NPAS3: variants seen among roughly 807,000 people sequenced by gnomAD.
The protein encoded by NPAS3 is neuronal PAS domain protein 3.
Under a neutral mutation model 73.1 loss-of-function variants are expected in NPAS3, and 14 were observed. The ratio of observed to expected loss-of-function variants is 0.19; its 90% CI spans 0.13 to 0.30. The LOEUF (loss-of-function observed/expected upper bound fraction) is 0.30, where lower values mean the gene tolerates loss of function less well. Ranked by LOEUF, NPAS3 falls within the 10% of genes least tolerant of loss-of-function variation. The pLI is 1.00. For missense variants in NPAS3, 1,096 were observed against 1,250.0 expected (o/e 0.88, Z 1.86); for synonymous variants, 620 against 541.5 (o/e 1.14, Z -2.01).
At chr14:33,255,457 C>T (rs538282567) in intron 3 of NPAS3, among the ~76,000 whole-genome samples, 2 of 152,180 alleles carry the variant, frequency 1.3e-5, no homozygotes, top group East Asian at 1.9e-4. Context: ...CAGACCAACC[C>T]GGACTAGAGT....
At chr14:33,136,673 A>G (rs547243337) in intron 2 of NPAS3, among the ~76,000 whole-genome samples, 2 of 152,300 alleles carry the variant, frequency 1.3e-5, no homozygotes, top group African/African-American at 2.4e-5. Flanking sequence ...CTTGCAGCTT[A>G]CTTTCTCCAA....
chr14:33,395,206 C>T (rs1160905418), intron 4 of NPAS3, among the ~76,000 whole-genome samples: 1 of 152,048 alleles, frequency 6.6e-6, no homozygotes, highest in Non-Finnish European at 1.5e-5. Context: ...GAGTTATTAT[C>T]ATTGTTTTGC....
At chr14:33,703,109 G>A (rs562270843) in intron 6 of NPAS3, among the ~76,000 whole-genome samples, 19 of 152,114 alleles carry the variant, frequency 1.2e-4, no homozygotes, top group Non-Finnish European at 2.1e-4. Flanking sequence ...GAGGATTGGG[G>A]CAGAAGAATT....
chr14:33,729,683 G>A (rs1354356651), intron 6 of NPAS3, among the ~76,000 whole-genome samples: 1 of 152,154 alleles, frequency 6.6e-6, no homozygotes, highest in Admixed American at 6.5e-5. Context: ...GTGGCAACTG[G>A]TTTCCATCAG....
At chr14:33,280,723 A>G (rs2041565347) in intron 3 of NPAS3, among the ~76,000 whole-genome samples, 1 of 152,220 alleles carries the variant, frequency 6.6e-6, no homozygotes, top group Non-Finnish European at 1.5e-5. Flanking sequence ...CTTTTGAGAA[A>G]GTACAAAAAG....
chr14:33,215,094 G>T, intron 2 of NPAS3, 88 bp from the exon 3 acceptor site: 1 of 1,377,506 alleles, frequency 7.3e-7, no homozygotes. Flanking sequence ...AATTTTGGTG[G>T]GAAAAAAGGA....
intron 5 of NPAS3, among the ~76,000 whole-genome samples, chr14:33,644,759 T>TTTTC (rs2140201229): frequency 6.6e-6 from 1 of 152,086 alleles, no homozygotes; most frequent in Admixed American, 6.5e-5. Flanking sequence ...TAGTTCCATG[T>TTTTC]TTTCTTTAAA....
At chr14:33,278,557 A>G (rs1351313237) in intron 3 of NPAS3, among the ~76,000 whole-genome samples, 2 of 152,122 alleles carry the variant, frequency 1.3e-5, no homozygotes, top group Non-Finnish European at 2.9e-5. Flanking sequence ...GAATGATATG[A>G]AAGATACAAC....
At chr14:33,725,253 T>TG (rs1424891317) in intron 6 of NPAS3, among the ~76,000 whole-genome samples, 10 of 151,940 alleles carry the variant, frequency 6.6e-5, no homozygotes, top group Non-Finnish European at 1.0e-4. Context: ...CCCTAGAACT[T>TG]GAAGTATAAT....
At chr14:33,745,104 C>T (rs2061755414) in intron 7 of NPAS3, among the ~76,000 whole-genome samples, 1 of 151,974 alleles carries the variant, frequency 6.6e-6, no homozygotes, top group Non-Finnish European at 1.5e-5. Flanking sequence ...AAATACTTAG[C>T]CAGGCATGGT....
chr14:33,673,197 C>T (rs2059660847), intron 5 of NPAS3, among the ~76,000 whole-genome samples: 1 of 152,236 alleles, frequency 6.6e-6, no homozygotes, highest in Non-Finnish European at 1.5e-5. Flanking sequence ...CACAGGGGAA[C>T]TCAGAGGTCT....
chr14:33,051,382 T>C (rs2138497558), intron 1 of NPAS3, among the ~76,000 whole-genome samples: 1 of 152,240 alleles, frequency 6.6e-6, no homozygotes, highest in Middle Eastern at 3.4e-3. Context: ...TTATAGAGCT[T>C]GTACTCTTAC....
At chr14:33,359,913 A>G (rs2045515826) in intron 3 of NPAS3, among the ~76,000 whole-genome samples, 1 of 152,216 alleles carries the variant, frequency 6.6e-6, no homozygotes, top group South Asian at 2.1e-4. Flanking sequence ...GAAAGTGTTC[A>G]CTGAAAGAAG....
At chr14:33,160,883 G>T (rs1487916258) in intron 2 of NPAS3, among the ~76,000 whole-genome samples, 1 of 152,134 alleles carries the variant, frequency 6.6e-6, no homozygotes, top group Non-Finnish European at 1.5e-5. Context: ...GAAAAACTCT[G>T]AGTTTCTCCA....
At chr14:33,264,515 T>C (rs2049099797) in intron 3 of NPAS3, among the ~76,000 whole-genome samples, 1 of 152,182 alleles carries the variant, frequency 6.6e-6, no homozygotes, top group Non-Finnish European at 1.5e-5. Context: ...TAATATTATG[T>C]ACTGTGATGT....
intron 5 of NPAS3, among the ~76,000 whole-genome samples, chr14:33,670,742 A>C (rs1324257614): frequency 1.3e-5 from 2 of 151,896 alleles, no homozygotes; most frequent in African/African-American, 2.4e-5. Flanking sequence ...TGAAGGCCTC[A>C]CCTGGGAATT....
At chr14:32,977,034 A>G (rs932379516) in intron 1 of NPAS3, among the ~76,000 whole-genome samples, 3 of 140,416 alleles carry the variant, frequency 2.1e-5, no homozygotes, top group African/African-American at 8.0e-5. Flanking sequence ...ATAAAGTATT[A>G]TCTGGTCAAG....
At chr14:33,619,078 A>G (rs967917022) in intron 5 of NPAS3, among the ~76,000 whole-genome samples, 1 of 152,202 alleles carries the variant, frequency 6.6e-6, no homozygotes, top group African/African-American at 2.4e-5. Flanking sequence ...ATATCTTTAT[A>G]TACTTTAACG....
rs1595062925 is a variant in NPAS3, at chr14:32,945,612, G to A, written c.50+6246G>A. 2.0e-5 allele frequency among the ~76,000 whole-genome samples: 3 copies of A among 152,270 alleles called. No individual in the cohort carries two copies. The Middle Eastern group carries it at 0.01, about 518-fold the overall frequency. ...AATGTACCTTAACACCAGTGTGGAA[G>A]GGCCTGCGTTTTCAGACTTTCCAAA... On this transcript the variant is annotated intron_variant, in intron 1 of 11. Coordinates refer to ENST00000356141, the Ensembl canonical transcript of NPAS3.
Sources: allele counts gnomAD v4.1 joint callset (sites outside exome capture counted in the v4.1 genomes callset), GRCh38; gene constraint gnomAD v4.1.1; transcripts MANE v1.5; gene names NCBI Gene and HGNC (gene_info 2026-07-23, HGNC 2026-07-21).